Variants in DSCAM observed in about 807,000 individuals in gnomAD.
DSCAM encodes the protein cell adhesion molecule DSCAM.
DSCAM carries 47 observed loss-of-function variants against 217.7 expected under a neutral mutation model. That is an observed-to-expected ratio of 0.22 (90% CI 0.17 to 0.28). The LOEUF is 0.28. Among genes scored for constraint, DSCAM ranks in the 10% least tolerant of loss-of-function variants. The pLI, the probability that DSCAM is intolerant of heterozygous loss-of-function variation, is 1.00. For missense variants in DSCAM, 2,080 were observed against 2,618.3 expected, an observed-to-expected ratio of 0.79 and a Z score of 4.49; for synonymous variants, 1,056 against 1,015.3, an observed-to-expected ratio of 1.04 and a Z score of -0.76.
At chr21:40,079,014 C>A in intron 25 of DSCAM, 37 bp from the exon 26 acceptor site, 1 of 1,596,682 alleles carries the variant, frequency 6.3e-7, no homozygotes, top group Admixed American at 1.7e-5. Context: ...GCTCACAGGA[C>A]ACATGGGGAG....
rs2090324332 is a variant in DSCAM at position 40,144,039 on chromosome 21, C to T, written c.3259+452G>A. 1.3e-5 allele frequency among the ~76,000 whole-genome samples: 2 copies of T among 152,154 alleles called. No individual in the cohort carries two copies. The highest frequency in any genetic ancestry group is 2.9e-5 in the Non-Finnish European group (2 of 68,026). ...TCTCGGCCGCTAGGGGGCGATCGAT[C>T]ACTGTGCAATCTGAAAATTCCTTTT... On this transcript the variant is annotated intron_variant, in intron 17 of 32. Coordinates refer to ENST00000400454, the MANE Select transcript of DSCAM (RefSeq NM_001389.5). This position sits in a 1 kb window ranked among gnomAD's most constrained non-coding sequence, Gnocchi z 4.8.
At chr21:40,066,582 A>G (rs1026072751) in intron 27 of DSCAM, among the ~76,000 whole-genome samples, 1 of 152,240 alleles carries the variant, frequency 6.6e-6, no homozygotes, top group Admixed American at 6.5e-5. Context: ...CACAATGCTC[A>G]TTATACGTGT....
chr21:40,327,119 G>T (rs933960601), intron 8 of DSCAM, among the ~76,000 whole-genome samples: 2 of 151,970 alleles, frequency 1.3e-5, no homozygotes. Flanking sequence ...TGTTATTTCT[G>T]ACTTAAAATG....
intron 1 of DSCAM, among the ~76,000 whole-genome samples, chr21:40,830,221 A>G (rs1409871069): frequency 6.6e-6 from 1 of 152,212 alleles, no homozygotes; most frequent in Non-Finnish European, 1.5e-5. Context: ...AAGGAAGGTG[A>G]GAGGGGAGTA....
chr21:40,098,955 G>T (rs1051488595), intron 20 of DSCAM, among the ~76,000 whole-genome samples: 2 of 152,120 alleles, frequency 1.3e-5, no homozygotes, highest in Non-Finnish European at 2.9e-5. Context: ...GAGGGAATTT[G>T]GCCTGTTTCC....
At chr21:40,472,792 A>G (rs1436726166) in intron 3 of DSCAM, among the ~76,000 whole-genome samples, 1 of 152,190 alleles carries the variant, frequency 6.6e-6, no homozygotes, top group Non-Finnish European at 1.5e-5. Flanking sequence ...GGTGTGTCAC[A>G]TTCCATCCCC....
Position 40,600,107 on chromosome 21 carries a change from G to A in DSCAM, c.508+92703C>T, listed in dbSNP as rs980762512. Reference sequence around the variant, plus strand: ...GACTCCTCCCTAACTCATTTTATGAGGCCATCATCTCCTGATACCAAAACC... The same window carrying A: ...GACTCCTCCCTAACTCATTTTATGAAGCCATCATCTCCTGATACCAAAACC... On this transcript the variant is annotated intron_variant, in intron 3 of 32. Transcript: ENST00000400454. Among the ~76,000 whole-genome samples the A allele has an allele frequency of 4.5e-4, 68 of 152,150 alleles. 1 individual carries two copies. Among genetic ancestry groups the A allele is most frequent in the African/African-American group, 1.5e-3 (62 of 41,430 alleles).
intron 1 of DSCAM, among the ~76,000 whole-genome samples, chr21:40,736,824 CAA>C (rs2091068520): frequency 6.6e-6 from 1 of 151,780 alleles, no homozygotes; most frequent in Non-Finnish European, 1.5e-5. Context: ...TTTTTTGCAC[CAA>C]GTTATTCTTT....
intron 3 of DSCAM, among the ~76,000 whole-genome samples, chr21:40,571,660 CAT>C (rs778071499): frequency 6.6e-6 from 1 of 152,192 alleles, no homozygotes; most frequent in Non-Finnish European, 1.5e-5. Flanking sequence ...ATTTAATATA[CAT>C]GTGTGTTTGT....
chr21:40,433,767 T>G (rs1053271828), intron 3 of DSCAM, among the ~76,000 whole-genome samples: 1 of 152,064 alleles, frequency 6.6e-6, no homozygotes, highest in Non-Finnish European at 1.5e-5. Flanking sequence ...AGGTAGATGA[T>G]GTCACCTGAG....
At position 40,013,258 on chromosome 21, in the gene DSCAM, G is replaced by C. The variant is rs768695940; in HGVS notation, c.5815C>G (p.Arg1939Gly). Residue 1939 changes from arginine to glycine, a missense_variant, in exon 33 of 33, where the codon CGC becomes GGC. By Grantham distance (125) the Arg-to-Gly change is moderately radical (BLOSUM62 -2). Around this residue, in one of 5 missense-constraint regions of DSCAM, gnomAD observed 145 missense variants for 138.5 expected, o/e 1.05. Coordinates refer to ENST00000400454, the MANE Select transcript of DSCAM (RefSeq NM_001389.5). ...LEPQKSRTLKRPTVLEPIPME... is the reference protein window; with the variant it reads ...LEPQKSRTLKGPTVLEPIPME... ...GGGATGGGCTCCAGGACCGTGGGGC[G>C]CTTCAGGGTCCGGCTTTTCTGAGGT... 6.2e-7 allele frequency: 1 copy of C among 1,613,772 alleles called. No individual in the cohort carries two copies. Among genetic ancestry groups the C allele is most frequent in the South Asian group, 1.1e-5 (1 of 90,978 alleles).
chr21:40,751,549 T>A (rs1318845457), intron 1 of DSCAM, among the ~76,000 whole-genome samples: 1 of 152,212 alleles, frequency 6.6e-6, no homozygotes, highest in East Asian at 1.9e-4. Flanking sequence ...CCAGAAGAAC[T>A]CTTCCTCTGT....
intron 4 of DSCAM, among the ~76,000 whole-genome samples, chr21:40,368,237 G>A (rs937645038): frequency 3.9e-5 from 6 of 152,102 alleles, no homozygotes; most frequent in Non-Finnish European, 7.4e-5. Context: ...CAAAGAGGAC[G>A]TTTTCTAGGA....
intron 3 of DSCAM, among the ~76,000 whole-genome samples, chr21:40,370,181 G>C (rs1265764356): frequency 1.3e-5 from 2 of 151,482 alleles, no homozygotes; most frequent in Non-Finnish European, 2.9e-5. Flanking sequence ...GGAGCATAAA[G>C]GTAAAATGTA....
rs1353397956 is a variant in DSCAM at position 40,303,587 on chromosome 21, G to A, written c.2063-7413C>T. Reference sequence around the variant, plus strand: ...TTCACTAGACTTTGAACCTTAATGGGCAGAGACTTGGTGTCTTTATTTTAA... The same window carrying A: ...TTCACTAGACTTTGAACCTTAATGGACAGAGACTTGGTGTCTTTATTTTAA... On this transcript the variant is annotated intron_variant, in intron 9 of 32. Coordinates refer to ENST00000400454, the MANE Select transcript of DSCAM (RefSeq NM_001389.5). Among the ~76,000 whole-genome samples, 3 of 152,074 alleles carry A rather than the reference G, an allele frequency of 2.0e-5. No homozygotes were observed. In the South Asian group the frequency reaches 6.2e-4, roughly 32 times the overall value.
At chr21:40,686,442 A>C (rs1416881149) in intron 3 of DSCAM, among the ~76,000 whole-genome samples, 9 of 151,930 alleles carry the variant, frequency 5.9e-5, no homozygotes, top group Admixed American at 5.9e-4. Context: ...CCACACACAT[A>C]TGTGGACACG....
At chr21:40,603,726 CTGT>C (rs2077080110) in intron 3 of DSCAM, among the ~76,000 whole-genome samples, 1 of 151,874 alleles carries the variant, frequency 6.6e-6, no homozygotes. Context: ...GCTGTTGTTA[CTGT>C]TGTTGTTGTT....
chr21:40,805,520 CATTGGTCAACCA>C (rs2091777828), intron 1 of DSCAM, among the ~76,000 whole-genome samples: 2 of 152,090 alleles, frequency 1.3e-5, no homozygotes, highest in South Asian at 4.2e-4. Flanking sequence ...TAGCTTGTTC[CATTGGTCAACCA>C]AAGTTTCCTT....
intron 3 of DSCAM, among the ~76,000 whole-genome samples, chr21:40,675,426 C>T (rs1278135330): frequency 6.6e-6 from 1 of 152,148 alleles, no homozygotes; most frequent in Non-Finnish European, 1.5e-5. Flanking sequence ...CCAGTTATTC[C>T]TTCATTTCCA....
Sources: allele counts gnomAD v4.1 joint callset (sites outside exome capture counted in the v4.1 genomes callset), GRCh38; gene constraint gnomAD v4.1.1; regional missense constraint gnomAD v4.1.1; non-coding constraint Gnocchi (gnomAD v3.1); transcripts MANE v1.5; gene names NCBI Gene and HGNC (gene_info 2026-07-23, HGNC 2026-07-21).